Variants in PTPRM observed in about 807,000 individuals in gnomAD.
PTPRM encodes receptor-type tyrosine-protein phosphatase mu.
A neutral mutation model predicts 186.7 loss-of-function variants in PTPRM; 47 were observed. The observed-to-expected ratio is 0.25, with a 90% CI of 0.20 to 0.32. PTPRM has a LOEUF of 0.32. PTPRM is among the 10% of genes least tolerant of loss of function. The pLI is 1.00. For synonymous variants in PTPRM, 668 were observed against 674.9 expected (o/e 0.99, Z 0.16); for missense variants, 1,494 against 1,865.0 (o/e 0.80, Z 3.66).
chr18:7,624,601 A>G (rs1468318377), intron 1 of PTPRM, among the ~76,000 whole-genome samples: 1 of 151,894 alleles, frequency 6.6e-6, no homozygotes, highest in South Asian at 2.1e-4. Flanking sequence ...TCCTTCTCCC[A>G]AGTAGCTGGG....
chr18:8,157,796 T>G (rs1334172150), intron 14 of PTPRM, among the ~76,000 whole-genome samples: 2 of 152,308 alleles, frequency 1.3e-5, no homozygotes, highest in East Asian at 3.9e-4. Flanking sequence ...GGCATGGCAT[T>G]GGCATTAAAT....
chr18:8,278,439 A>G (rs2094862412), intron 19 of PTPRM, among the ~76,000 whole-genome samples: 1 of 152,234 alleles, frequency 6.6e-6, no homozygotes, highest in African/African-American at 2.4e-5. Flanking sequence ...GCAAAACAGA[A>G]AGTGAAGAGG....
At chr18:7,705,203 A>G (rs1223512858) in intron 1 of PTPRM, among the ~76,000 whole-genome samples, 1 of 152,188 alleles carries the variant, frequency 6.6e-6, no homozygotes, top group Non-Finnish European at 1.5e-5. Flanking sequence ...AGAAATAAAT[A>G]CAAATTGTGA....
At chr18:8,118,508 T>G (rs1047421336) in intron 13 of PTPRM, among the ~76,000 whole-genome samples, 2 of 152,132 alleles carry the variant, frequency 1.3e-5, no homozygotes, top group African/African-American at 4.8e-5. Context: ...CTTAAATCAT[T>G]ATGAGATTTG....
intron 2 of PTPRM, among the ~76,000 whole-genome samples, chr18:7,840,402 G>A (rs765955547): frequency 2.0e-5 from 3 of 152,174 alleles, no homozygotes; most frequent in Non-Finnish European, 4.4e-5. Context: ...TAGACATAAG[G>A]TGATTAGGCA....
chr18:7,984,594 T>TACACACAC (rs1182740403), intron 7 of PTPRM, among the ~76,000 whole-genome samples: 1 of 120,168 alleles, frequency 8.3e-6, no homozygotes, highest in Non-Finnish European at 1.7e-5. Flanking sequence ...TATATATATA[T>TACACACAC]ATATATATAC....
At chr18:8,334,886 C>T (rs1255327839) in intron 22 of PTPRM, among the ~76,000 whole-genome samples, 1 of 152,132 alleles carries the variant, frequency 6.6e-6, no homozygotes. Flanking sequence ...GTACCTTGCT[C>T]CTCCTGTTCC....
chr18:8,168,357 G>T (rs1288790598), intron 14 of PTPRM, among the ~76,000 whole-genome samples: 1 of 151,940 alleles, frequency 6.6e-6, no homozygotes, highest in African/African-American at 2.4e-5. Flanking sequence ...AAACTGGCAG[G>T]GCCTTATAAC....
chr18:7,810,232 A>T (rs1039393114), intron 2 of PTPRM, among the ~76,000 whole-genome samples: 1 of 152,174 alleles, frequency 6.6e-6, no homozygotes, highest in African/African-American at 2.4e-5. Context: ...GCCCTTTGGC[A>T]TGTTGAGCTT....
chr18:8,380,908 A>C lies in PTPRM; in HGVS notation c.3918+481A>C, dbSNP rs573371798. On this transcript the variant is annotated intron_variant, in intron 29 of 32. Transcript: ENST00000580170. Reference sequence around the variant, plus strand: ...AGCCTACAGGTAGAGATCGTCATGCAGGGCAGGTAGAGATTGTCATGCAGG... The same window carrying C: ...AGCCTACAGGTAGAGATCGTCATGCCGGGCAGGTAGAGATTGTCATGCAGG... 5.3e-5 allele frequency among the ~76,000 whole-genome samples: 8 copies of C among 152,300 alleles called. No individual in the cohort carries two copies. The South Asian group carries it at 1.7e-3, about 32-fold the overall frequency.
chr18:7,830,735 AG>A (rs1668594234), intron 2 of PTPRM, among the ~76,000 whole-genome samples: 1 of 152,232 alleles, frequency 6.6e-6, no homozygotes, highest in Non-Finnish European at 1.5e-5. Flanking sequence ...TCCTGTCTAA[AG>A]AGACAGCAGC....
chr18:8,317,149 C>G (rs891478520), intron 21 of PTPRM, among the ~76,000 whole-genome samples: 1 of 151,388 alleles, frequency 6.6e-6, no homozygotes, highest in African/African-American at 2.4e-5. Flanking sequence ...TGCACTTGGC[C>G]AGGAGAGGAA....
intron 1 of PTPRM, among the ~76,000 whole-genome samples, chr18:7,769,528 C>A (rs978541117): frequency 4.6e-5 from 7 of 152,162 alleles, no homozygotes; most frequent in African/African-American, 1.7e-4. Context: ...AAAGTGAAAT[C>A]TGTGGATAAA....
At chr18:8,076,654 C>T (rs2089835116) in intron 9 of PTPRM, 90 bp downstream of exon 9, 2 of 618,742 alleles carry the variant, frequency 3.2e-6, no homozygotes, top group Non-Finnish European at 5.5e-6. Context: ...TGCATACTTA[C>T]ATAATATATT....
At chr18:7,714,768 A>G (rs1374019777) in intron 1 of PTPRM, among the ~76,000 whole-genome samples, 1 of 152,218 alleles carries the variant, frequency 6.6e-6, no homozygotes, top group Non-Finnish European at 1.5e-5. Context: ...AAAATCTAGA[A>G]GAAATGGATA....
At chr18:7,806,751 C>G (rs868228339) in intron 2 of PTPRM, among the ~76,000 whole-genome samples, 2 of 152,016 alleles carry the variant, frequency 1.3e-5, no homozygotes, top group South Asian at 4.1e-4. Flanking sequence ...ATTTTAGTTG[C>G]CTTTGTAATG....
intron 1 of PTPRM, among the ~76,000 whole-genome samples, chr18:7,591,038 C>A (rs2037112827): frequency 6.6e-6 from 1 of 152,192 alleles, no homozygotes; most frequent in African/African-American, 2.4e-5. Flanking sequence ...GAGTGACTCT[C>A]ATTTCCTGCT....
intron 2 of PTPRM, among the ~76,000 whole-genome samples, chr18:7,806,641 T>C (rs1180234171): frequency 6.6e-6 from 1 of 152,246 alleles, no homozygotes; most frequent in African/African-American, 2.4e-5. Flanking sequence ...TGCTGGGCTG[T>C]GGCCAGAGAC....
intron 7 of PTPRM, chr18:8,049,314 C>T: frequency 6.6e-6 from 1 of 152,120 alleles, no homozygotes; most frequent in East Asian, 1.9e-4. Flanking sequence ...CCGAACAGTT[C>T]CAGTGGTGAG....
Sources: gnomAD v4.1 joint callset for allele counts (sites outside exome capture counted in the v4.1 genomes callset) on GRCh38, gnomAD v4.1.1 for gene constraint, MANE v1.5 for transcripts, NCBI Gene and HGNC (gene_info 2026-07-23, HGNC 2026-07-21) for gene names.